The following RNF220 variants were observed in gnomAD, a reference collection of about 807,000 sequenced individuals.
RNF220 encodes ring finger protein 220.
RNF220 carries 7 observed loss-of-function variants against 67.1 expected under a neutral mutation model. That is an observed-to-expected ratio of 0.10 (90% confidence interval 0.06 to 0.20). RNF220 has a LOEUF of 0.20. Among genes scored for constraint, RNF220 ranks in the 10% least tolerant of loss-of-function variants. RNF220 has a pLI of 1.00. For synonymous variants in RNF220, 270 were observed against 283.2 expected, an observed-to-expected ratio of 0.95 and a Z score of 0.47; for missense variants, 565 against 740.3, an observed-to-expected ratio of 0.76 and a Z score of 2.75.
At chr1:44,465,956 A>G (rs761760175) in intron 2 of RNF220, among the ~76,000 whole-genome samples, 1 of 152,050 alleles carries the variant, frequency 6.6e-6, no homozygotes, top group Non-Finnish European at 1.5e-5. Context: ...AGCTGTGGCA[A>G]TTTCTTAAAA....
intron 2 of RNF220, among the ~76,000 whole-genome samples, chr1:44,517,840 T>A (rs941714918): frequency 1.3e-5 from 2 of 152,208 alleles, no homozygotes; most frequent in Non-Finnish European, 1.5e-5. Flanking sequence ...GGTACGGTGG[T>A]CCACACCTGT....
chr1:44,596,133 A>G lies in RNF220; in HGVS notation c.626-18032A>G, dbSNP rs143244856. 2.0e-5 allele frequency among the ~76,000 whole-genome samples: 3 copies of G among 152,358 alleles called. No individual in the cohort carries two copies. In the East Asian group the frequency reaches 5.8e-4, roughly 29 times the overall value. ...AAATGGACTTTTAGGAAGGACAACA[A>G]CTAAAAAGCAACTCAAGGAAGGGGA... On this transcript the variant is annotated intron_variant, in intron 2 of 14. Transcript: ENST00000361799.
At chr1:44,430,808 G>C (rs1289198383) in intron 2 of RNF220, among the ~76,000 whole-genome samples, 1 of 152,202 alleles carries the variant, frequency 6.6e-6, no homozygotes, top group Admixed American at 6.5e-5. Context: ...GCCTCCCAAA[G>C]TGCTGGGATT....
chr1:44,532,249 C>A (rs575303665), intron 2 of RNF220, among the ~76,000 whole-genome samples: 61 of 152,312 alleles, frequency 4.0e-4, no homozygotes, highest in African/African-American at 1.5e-3. Context: ...TTTATGAATG[C>A]GGCTGGAAGT....
Position 44,650,937 on chromosome 1 carries a change from ACT to A in RNF220, c.*165_*166del. The stretch of plus-strand genomic sequence containing the variant: ...ACACACACACATTTACACACGCAGG[ACT>A]CTGGAGCCAGAGTAGAGGCTGTGGC... On this transcript the variant is annotated 3_prime_UTR_variant, in exon 15 of 15. Coordinates refer to ENST00000361799, the MANE Select transcript of RNF220 (RefSeq NM_018150.4). This position sits in a 1 kb window ranked among gnomAD's most constrained non-coding sequence, Gnocchi z 4.3. 1.5e-6 allele frequency: 1 copy of A among 663,814 alleles called. No homozygotes were observed. Among genetic ancestry groups the A allele is most frequent in the Middle Eastern group, 2.5e-4 (1 of 4,020 alleles). 41.1% of individuals were successfully genotyped at this position (663,814 alleles called of 1,614,324 possible).
chr1:44,560,091 T>TG (rs2148286493), intron 2 of RNF220, among the ~76,000 whole-genome samples: 1 of 152,274 alleles, frequency 6.6e-6, no homozygotes, highest in East Asian at 1.9e-4. Flanking sequence ...TTGAAAAAGC[T>TG]GCAGCTACTT....
At chr1:44,447,242 A>G (rs1349468300) in intron 2 of RNF220, among the ~76,000 whole-genome samples, 5 of 152,230 alleles carry the variant, frequency 3.3e-5, no homozygotes, top group Non-Finnish European at 4.4e-5. Context: ...GCTGTGATTC[A>G]TATAGCAGTT....
intron 2 of RNF220, among the ~76,000 whole-genome samples, chr1:44,508,669 C>T (rs1259782227): frequency 1.3e-5 from 2 of 152,192 alleles, no homozygotes; most frequent in Admixed American, 6.5e-5. Flanking sequence ...CATGCCCTGA[C>T]CTTCTCCATT....
rs531452729 is a variant in RNF220 at position 44,471,515 on chromosome 1, C to T, written c.625+58793C>T. 3.3e-5 allele frequency among the ~76,000 whole-genome samples: 5 copies of T among 151,838 alleles called. No individual in the cohort carries two copies. The East Asian group carries it at 7.9e-4, about 24-fold the overall frequency. ...CCACCCTCTAACTCTGGAACATTTT[C>T]ATCACGCTATAAAGAAGACTCATAC... On this transcript the variant is annotated intron_variant, in intron 2 of 14. Coordinates refer to ENST00000361799, the MANE Select transcript of RNF220 (RefSeq NM_018150.4).
chr1:44,436,613 A>G (rs6429540), intron 2 of RNF220, among the ~76,000 whole-genome samples: 108,360 of 151,978 alleles, frequency 0.71, 38,817 homozygotes, highest in East Asian at 0.81. Flanking sequence ...TTGACAAAAC[A>G]TGATTTTCTG....
intron 2 of RNF220, among the ~76,000 whole-genome samples, chr1:44,610,364 A>T (rs1441150154): frequency 6.6e-6 from 1 of 152,168 alleles, no homozygotes; most frequent in Non-Finnish European, 1.5e-5. Context: ...TGCCGATAAC[A>T]CTGGGCCTCC....
intron 2 of RNF220, among the ~76,000 whole-genome samples, chr1:44,544,306 C>T (rs1661938003): frequency 6.6e-6 from 1 of 152,228 alleles, no homozygotes; most frequent in African/African-American, 2.4e-5. Context: ...AGTGGGTAGT[C>T]ACTTGTGCTC....
chr1:44,420,613 G>A (rs532979844), intron 2 of RNF220, among the ~76,000 whole-genome samples: 11 of 152,254 alleles, frequency 7.2e-5, no homozygotes, highest in African/African-American at 2.6e-4. Flanking sequence ...TCAACTCGAA[G>A]GTGTTTCAGA....
At chr1:44,605,038 A>AGG (rs1667174792) in intron 2 of RNF220, among the ~76,000 whole-genome samples, 4 of 152,220 alleles carry the variant, frequency 2.6e-5, no homozygotes, top group African/African-American at 9.6e-5. Context: ...GCGGTGGCTC[A>AGG]TGCCTGTAAT....
intron 2 of RNF220, among the ~76,000 whole-genome samples, chr1:44,504,088 T>C (rs1658193404): frequency 1.3e-5 from 2 of 152,258 alleles, no homozygotes; most frequent in Admixed American, 6.5e-5. Flanking sequence ...GACCTTGTGA[T>C]CCACCTGCCT....
chr1:44,405,430 C>G lies in RNF220; in HGVS notation c.-218C>G. 1.6e-6 allele frequency: 1 copy of G among 629,932 alleles called. No homozygotes were observed. 39.0% of individuals were successfully genotyped at this position (629,932 alleles called of 1,614,324 possible). A position where few individuals can be genotyped will look rare whatever the true frequency, so the allele number is the denominator to read the frequency against. ...CCGCCGCCGCCGCCGCTGCCTCCGC[C>G]GGCTCTGCGAACCCGGGACTTTTCA... is the stretch of plus-strand genomic sequence containing the variant. On this transcript the variant is annotated 5_prime_UTR_variant, in exon 1 of 15. Transcript: ENST00000361799.
At chr1:44,480,815 G>A (rs888706250) in intron 2 of RNF220, among the ~76,000 whole-genome samples, 3 of 152,004 alleles carry the variant, frequency 2.0e-5, no homozygotes, top group Admixed American at 2.0e-4. Context: ...GAACGTGGGA[G>A]GCAGAGGTTG....
At position 44,645,046 on chromosome 1, in the gene RNF220, C is replaced by T. The variant is rs199591500; in HGVS notation, c.1275C>T (p.Ala425=). The T allele has an allele frequency of 5.8e-5, 94 of 1,614,024 alleles. No homozygotes were observed. In the Admixed American group the frequency reaches 7.2e-4, roughly 12 times the overall value. The change falls in exon 10 of 15, where the codon GCC becomes GCT. Residue 425 remains alanine, a synonymous_variant. Coordinates refer to ENST00000361799, the MANE Select transcript of RNF220 (RefSeq NM_018150.4). The surrounding 1 kb of genome is among the most constrained non-coding windows in gnomAD (Gnocchi z 5.0). ...IPCTGEEPGE[A]KEREALRGAV... ...GCACAGGCGAGGAGCCTGGTGAAGCCAAGGAGAGAGAGGCACTTCGGGGCG... is the reference window on the plus strand; with the variant it reads ...GCACAGGCGAGGAGCCTGGTGAAGCTAAGGAGAGAGAGGCACTTCGGGGCG...
chr1:44,645,076 C>T lies in RNF220; in HGVS notation c.1305C>T (p.Val435=), dbSNP rs767125160. The T allele has an allele frequency of 2.0e-5, 32 of 1,613,972 alleles. No individual in the cohort carries two copies. The highest frequency in any genetic ancestry group is 2.6e-5 in the Non-Finnish European group (31 of 1,180,006). ...AKEREALRGA[V]LNGGPPSTRI... is the part of the protein sequence containing the mutation. ...AGAGAGAGGCACTTCGGGGCGCAGTCCTAAAGCAAGTGTGGGCACAGGCTT... is the reference window on the plus strand; with the variant it reads ...AGAGAGAGGCACTTCGGGGCGCAGTTCTAAAGCAAGTGTGGGCACAGGCTT... The change falls in exon 10 of 15, where the codon GTC becomes GTT. Residue 435 remains valine, a synonymous_variant. Coordinates refer to ENST00000361799, the MANE Select transcript of RNF220 (RefSeq NM_018150.4). This position sits in a 1 kb window ranked among gnomAD's most constrained non-coding sequence, Gnocchi z 5.0.
Sources: gnomAD v4.1 joint callset for allele counts (sites outside exome capture counted in the v4.1 genomes callset) on GRCh38, gnomAD v4.1.1 for gene constraint, Gnocchi (gnomAD v3.1) non-coding constraint, MANE v1.5 for transcripts, NCBI Gene and HGNC (gene_info 2026-07-23, HGNC 2026-07-21) for gene names.